SLC14A2: variants seen among roughly 807,000 people sequenced by gnomAD.
SLC14A2 encodes solute carrier family 14 member 2.
Under a neutral mutation model 104.6 loss-of-function variants are expected in SLC14A2, and 91 were observed. The ratio of observed to expected loss-of-function variants is 0.87; its 90% CI spans 0.73 to 1.04. The LOEUF (loss-of-function observed/expected upper bound fraction) is 1.04, where lower values mean the gene tolerates loss of function less well. Ranked by LOEUF, SLC14A2 falls within the 50% of genes least tolerant of loss-of-function variation. SLC14A2 has a pLI of 0.00. For synonymous variants in SLC14A2, 476 were observed against 466.4 expected, an observed-to-expected ratio of 1.02 and a Z score of -0.27; for missense variants, 1,189 against 1,156.0, an observed-to-expected ratio of 1.03 and a Z score of -0.41.
At chr18:45,218,047 T>G (rs2084026258) in intron 1 of SLC14A2, among the ~76,000 whole-genome samples, 1 of 152,182 alleles carries the variant, frequency 6.6e-6, no homozygotes, top group Non-Finnish European at 1.5e-5. Context: ...ATTTACCATT[T>G]TAACGATCTT....
intron 2 of SLC14A2, among the ~76,000 whole-genome samples, chr18:45,544,329 TC>T: frequency 6.6e-6 from 1 of 152,178 alleles, no homozygotes; most frequent in Non-Finnish European, 1.5e-5. Context: ...CATTTAACTC[TC>T]CTGTTTGCTT....
intron 2 of SLC14A2, among the ~76,000 whole-genome samples, chr18:45,587,732 C>A (rs1002220223): frequency 1.3e-5 from 2 of 152,196 alleles, no homozygotes; most frequent in Non-Finnish European, 2.9e-5. Context: ...GGTGAAGTGA[C>A]TGGCCTAAGA....
At chr18:45,434,998 G>A (rs1284646330) in intron 1 of SLC14A2, among the ~76,000 whole-genome samples, 1 of 152,106 alleles carries the variant, frequency 6.6e-6, no homozygotes, top group African/African-American at 2.4e-5. Flanking sequence ...TAAAAATATG[G>A]TAATGTAATT....
At chr18:45,287,731 G>A (rs7240268) in intron 1 of SLC14A2, among the ~76,000 whole-genome samples, 4 of 151,972 alleles carry the variant, frequency 2.6e-5, no homozygotes, top group Non-Finnish European at 4.4e-5. Context: ...CCTTTGGATC[G>A]CTGCCCGGGC....
At chr18:45,605,182 C>G (rs1227347697) in intron 2 of SLC14A2, among the ~76,000 whole-genome samples, 1 of 152,170 alleles carries the variant, frequency 6.6e-6, no homozygotes, top group Non-Finnish European at 1.5e-5. Context: ...AGACAAGGAC[C>G]ACATGTGACA....
At position 45,327,061 on chromosome 18, in the gene SLC14A2, T is replaced by G. The variant is rs118046538; in HGVS notation, c.-125+113870T>G. Among the ~76,000 whole-genome samples the G allele has an allele frequency of 8.7e-3, 1,298 of 149,794 alleles. 19 individuals are homozygous for G. Among genetic ancestry groups the G allele is most frequent in the African/African-American group, 0.03 (1,246 of 41,204 alleles). ...ATCCATCCAGCCAGCCAGCCAGCCATCTAGCTAGCTTTCTCATTAGGAAAT... is the reference window on the plus strand; with the variant it reads ...ATCCATCCAGCCAGCCAGCCAGCCAGCTAGCTAGCTTTCTCATTAGGAAAT... On this transcript the variant is annotated intron_variant, in intron 1 of 20. Coordinates refer to the SLC14A2 transcript ENST00000586448.
At chr18:45,283,590 G>T (rs2060037419) in intron 1 of SLC14A2, among the ~76,000 whole-genome samples, 1 of 152,194 alleles carries the variant, frequency 6.6e-6, no homozygotes, top group African/African-American at 2.4e-5. Context: ...GTGTGAAACA[G>T]CTTTAAATGT....
In SLC14A2 at chr18:45,373,526, A is replaced by C. The variant is rs2246773; in HGVS notation, c.-124-109707A>C. 3.4e-3 allele frequency among the ~76,000 whole-genome samples: 521 copies of C among 152,270 alleles called. 3 individuals are homozygous for C. Among genetic ancestry groups the C allele is most frequent in the African/African-American group, 0.012 (501 of 41,548 alleles). ...TTAATCACCTACATGCTCCCTCTGG[A>C]GCCAACTTCAGGCTACTCTCAGATT... is the stretch of plus-strand genomic sequence containing the variant. On this transcript the variant is annotated intron_variant, in intron 1 of 20. Transcript: ENST00000586448.
At chr18:45,364,954 G>A (rs895329655) in intron 1 of SLC14A2, among the ~76,000 whole-genome samples, 4 of 152,198 alleles carry the variant, frequency 2.6e-5, no homozygotes, top group Non-Finnish European at 5.9e-5. Flanking sequence ...AAGAGTAACA[G>A]AACTGGAACA....
At chr18:45,484,508 G>A (rs1322521352) in intron 2 of SLC14A2, among the ~76,000 whole-genome samples, 2 of 152,196 alleles carry the variant, frequency 1.3e-5, no homozygotes, top group East Asian at 3.9e-4. Flanking sequence ...ACTTATCAAT[G>A]ACTCTTTGAA....
At chr18:45,357,314 G>A (rs2085565103) in intron 1 of SLC14A2, among the ~76,000 whole-genome samples, 2 of 149,806 alleles carry the variant, frequency 1.3e-5, no homozygotes, top group Admixed American at 6.6e-5. Flanking sequence ...GAAATACGGT[G>A]GAATTGGAAG....
intron 1 of SLC14A2, among the ~76,000 whole-genome samples, chr18:45,305,941 T>C (rs560316329): frequency 6.6e-6 from 1 of 152,334 alleles, no homozygotes; most frequent in African/African-American, 2.4e-5. Flanking sequence ...GCCACCAAAC[T>C]TTAATTAGGG....
intron 1 of SLC14A2, among the ~76,000 whole-genome samples, chr18:45,419,661 T>C (rs1345405224): frequency 1.3e-5 from 2 of 151,478 alleles, no homozygotes; most frequent in African/African-American, 4.9e-5. Context: ...GTAATCCCAG[T>C]GACTCTGGAG....
At chr18:45,337,855 T>G (rs1297916100) in intron 1 of SLC14A2, among the ~76,000 whole-genome samples, 1 of 152,218 alleles carries the variant, frequency 6.6e-6, no homozygotes, top group African/African-American at 2.4e-5. Context: ...CCATCTTTAG[T>G]GGGGAAAATT....
the SLC14A2 span, among the ~76,000 whole-genome samples, chr18:45,194,149 G>A: frequency 1.1e-3 from 162 of 152,238 alleles, 2 homozygotes; most frequent in African/African-American, 3.7e-3. Flanking sequence ...AGTGAATAAA[G>A]ATATTTTCCA....
Position 45,639,824 on chromosome 18 carries a change from G to T in SLC14A2, c.922G>T (p.Ala308Ser), listed in dbSNP as rs1186360978. The change falls in exon 7 of 20, where the codon GCT becomes TCT. Residue 308 changes from alanine (A) to serine (S), a missense_variant. Ala to Ser is a moderately conservative substitution (Grantham distance 99, BLOSUM62 1). Coordinates refer to ENST00000255226, the MANE Select transcript of SLC14A2 (RefSeq NM_007163.4). Reference sequence around the variant, plus strand: ...CTGGACAGGCGGCGTGTTCCTGGTGGCTCTGTTCATCTCCTCGCCACTCAT... The same window carrying T: ...CTGGACAGGCGGCGTGTTCCTGGTGTCTCTGTTCATCTCCTCGCCACTCAT... ...NPWTGGVFLV[A>S]LFISSPLICL... is the part of the protein sequence containing the mutation. The T allele has an allele frequency of 6.2e-7, 1 of 1,613,844 alleles. No individual in the cohort carries two copies. Among genetic ancestry groups the T allele is most frequent in the Non-Finnish European group, 8.5e-7 (1 of 1,179,984 alleles).
intron 5 of SLC14A2, chr18:45,634,763 T>G (rs2045392606): frequency 2.2e-6 from 1 of 454,534 alleles, no homozygotes; most frequent in Admixed American, 2.4e-5. Flanking sequence ...AGTTAGAGAG[T>G]TTTAGGCAGA....
chr18:45,522,476 G>T (rs1303097929), intron 2 of SLC14A2, among the ~76,000 whole-genome samples: 1 of 152,082 alleles, frequency 6.6e-6, no homozygotes, highest in African/African-American at 2.4e-5. Flanking sequence ...CTCTCATTCT[G>T]CTGGAGATGG....
Position 45,275,754 on chromosome 18 carries a change from C to CT in SLC14A2, c.-125+62570dup, listed in dbSNP as rs550048781. Among the ~76,000 whole-genome samples the CT allele has an allele frequency of 2.9e-4, 44 of 152,272 alleles. No individual in the cohort carries two copies. In the South Asian group the frequency reaches 6.0e-3, roughly 21 times the overall value. On this transcript the variant is annotated intron_variant, in intron 1 of 20. Coordinates refer to the SLC14A2 transcript ENST00000586448. Reference sequence around the variant, plus strand: ...TTAAAGAGAGTAATAGATTTCATCTCTTTTTTTACTAATAAAGTGATCAGT... The same window carrying CT: ...TTAAAGAGAGTAATAGATTTCATCTCTTTTTTTTACTAATAAAGTGATCAGT...
Sources: gnomAD v4.1 joint callset for allele counts (sites outside exome capture counted in the v4.1 genomes callset) on GRCh38, gnomAD v4.1.1 for gene constraint, MANE v1.5 for transcripts, NCBI Gene and HGNC (gene_info 2026-07-23, HGNC 2026-07-21) for gene names.